Variants in GABBR2 observed in about 807,000 individuals in gnomAD.
GABBR2 encodes gamma-aminobutyric acid type B receptor subunit 2.
Under a neutral mutation model 105.6 loss-of-function variants are expected in GABBR2, and 23 were observed. The ratio of observed to expected loss-of-function variants is 0.22; its 90% CI spans 0.16 to 0.31. The LOEUF is 0.31. GABBR2 is among the 10% of genes least tolerant of loss of function. GABBR2 has a pLI of 1.00. For missense variants in GABBR2, 734 were observed against 1,245.5 expected (o/e 0.59, Z 6.18); for synonymous variants, 478 against 499.7 (o/e 0.96, Z 0.58).
At chr9:98,682,044 G>A (rs1372070029) in intron 1 of GABBR2, among the ~76,000 whole-genome samples, 1 of 152,022 alleles carries the variant, frequency 6.6e-6, no homozygotes, top group Non-Finnish European at 1.5e-5. Context: ...AGACCAGCCT[G>A]GCCAATATGG....
intron 1 of GABBR2, among the ~76,000 whole-genome samples, chr9:98,595,498 A>C (rs1397789350): frequency 3.3e-5 from 3 of 91,010 alleles, no homozygotes; most frequent in Non-Finnish European, 4.5e-5. Context: ...GCCTTCCTGC[A>C]GGGGCGGGGT....
At chr9:98,296,099 A>G (rs911598463) in intron 17 of GABBR2, among the ~76,000 whole-genome samples, 1 of 152,208 alleles carries the variant, frequency 6.6e-6, no homozygotes, top group African/African-American at 2.4e-5. Context: ...TGAATGACCA[A>G]TGTGATAGTG....
At chr9:98,372,202 G>T (rs1374336603) in intron 11 of GABBR2, among the ~76,000 whole-genome samples, 4 of 152,190 alleles carry the variant, frequency 2.6e-5, no homozygotes, top group Non-Finnish European at 2.9e-5. Context: ...ATCCCTGAAG[G>T]CTGGAACAGG....
chr9:98,669,696 A>T (rs190154680), intron 1 of GABBR2, among the ~76,000 whole-genome samples: 5 of 152,118 alleles, frequency 3.3e-5, no homozygotes, highest in Admixed American at 3.3e-4. Context: ...CATTAATACC[A>T]TAAGTCTTAA....
intron 1 of GABBR2, among the ~76,000 whole-genome samples, chr9:98,679,036 A>G (rs937203713): frequency 7.2e-5 from 11 of 152,206 alleles, no homozygotes; most frequent in Non-Finnish European, 1.3e-4. Flanking sequence ...CAAATGGGAA[A>G]GAGGATACCT....
At chr9:98,584,886 G>T (rs1829047168) in intron 1 of GABBR2, among the ~76,000 whole-genome samples, 1 of 152,170 alleles carries the variant, frequency 6.6e-6, no homozygotes, top group African/African-American at 2.4e-5. Context: ...AGTGCCAGGG[G>T]TCTCACTCTC....
rs185808990 is a variant in GABBR2, at chr9:98,614,812, A to G, written c.322-36740T>C. Among the ~76,000 whole-genome samples the G allele has an allele frequency of 2.2e-3, 332 of 152,218 alleles. 2 individuals are homozygous for G. The highest frequency in any genetic ancestry group is 7.7e-3 in the African/African-American group (321 of 41,522). ...GAGGGAGGGAGAGAGACAGACATGC[A>G]TGAAGATCAACCCTGCAGAACTTGA... On this transcript the variant is annotated intron_variant, in intron 1 of 18. Transcript: ENST00000259455.
intron 10 of GABBR2, among the ~76,000 whole-genome samples, chr9:98,386,853 C>G (rs1335754626): frequency 1.3e-5 from 2 of 152,154 alleles, no homozygotes; most frequent in South Asian, 2.1e-4. Flanking sequence ...GAACTGCACC[C>G]CGGCTTTCAA....
At chr9:98,395,167 C>CT (rs1462182058) in intron 8 of GABBR2, among the ~76,000 whole-genome samples, 2 of 152,130 alleles carry the variant, frequency 1.3e-5, no homozygotes, top group East Asian at 3.8e-4. Context: ...AGCAAGGTTT[C>CT]TTTTTTCCAG....
intron 7 of GABBR2, among the ~76,000 whole-genome samples, chr9:98,444,018 G>A (rs1187609124): frequency 6.6e-6 from 1 of 152,224 alleles, no homozygotes; most frequent in African/African-American, 2.4e-5. Context: ...TGGACTTTGA[G>A]TCAGTCAGAC....
chr9:98,294,868 T>C (rs1441635459), intron 17 of GABBR2, among the ~76,000 whole-genome samples: 3 of 152,226 alleles, frequency 2.0e-5, no homozygotes, highest in Non-Finnish European at 4.4e-5. Flanking sequence ...AGGACCTCCA[T>C]TCAAAATAAT....
intron 6 of GABBR2, among the ~76,000 whole-genome samples, chr9:98,455,543 A>T (rs1449478427): frequency 1.3e-5 from 2 of 152,218 alleles, no homozygotes; most frequent in Non-Finnish European, 2.9e-5. Context: ...GTCCAAGGTT[A>T]CACAGCCTGT....
chr9:98,468,948 C>T (rs1015033785), intron 6 of GABBR2, among the ~76,000 whole-genome samples: 1 of 152,146 alleles, frequency 6.6e-6, no homozygotes, highest in Non-Finnish European at 1.5e-5. Context: ...ATTAGGAGTC[C>T]TGGCTTCAAG....
intron 7 of GABBR2, among the ~76,000 whole-genome samples, chr9:98,424,586 T>C (rs553792063): frequency 0.075 from 11,331 of 151,304 alleles, 847 homozygotes; most frequent in African/African-American, 0.2. Flanking sequence ...GAAAACCCCA[T>C]TGTCTCAGCC....
intron 13 of GABBR2, among the ~76,000 whole-genome samples, chr9:98,356,056 A>G (rs981212473): frequency 2.6e-5 from 4 of 152,230 alleles, no homozygotes; most frequent in African/African-American, 9.6e-5. Flanking sequence ...ATTTTACTCA[A>G]AATGGGTCAC....
chr9:98,568,597 G>A (rs1191756186), intron 2 of GABBR2, among the ~76,000 whole-genome samples: 2 of 152,102 alleles, frequency 1.3e-5, no homozygotes, highest in East Asian at 1.9e-4. Flanking sequence ...GGTGGGAGGG[G>A]CAGTCACCAG....
At chr9:98,534,518 G>T (rs2104906) in intron 3 of GABBR2, among the ~76,000 whole-genome samples, 3 of 152,028 alleles carry the variant, frequency 2.0e-5, no homozygotes, top group Admixed American at 6.5e-5. Context: ...TTTCTTAGTA[G>T]TTTAAGTATC....
intron 3 of GABBR2, among the ~76,000 whole-genome samples, chr9:98,512,607 A>T (rs1278964502): frequency 2.6e-5 from 4 of 152,168 alleles, no homozygotes; most frequent in African/African-American, 7.2e-5. Context: ...CTTATACACC[A>T]ATAACAGACA....
chr9:98,402,790 G>T (rs147445337), intron 8 of GABBR2, among the ~76,000 whole-genome samples: 1 of 152,278 alleles, frequency 6.6e-6, no homozygotes, highest in African/African-American at 2.4e-5. Flanking sequence ...GGCTGCTCCT[G>T]GAGGCGTTAA....
Sources: allele counts gnomAD v4.1 joint callset (sites outside exome capture counted in the v4.1 genomes callset), GRCh38; gene constraint gnomAD v4.1.1; transcripts MANE v1.5; gene names NCBI Gene and HGNC (gene_info 2026-07-23, HGNC 2026-07-21).